MACROD2: variants seen among roughly 807,000 people sequenced by gnomAD.
MACROD2 encodes the protein ADP-ribose glycohydrolase MACROD2.
Under a neutral mutation model 70.4 loss-of-function variants are expected in MACROD2, and 36 were observed. The ratio of observed to expected loss-of-function variants is 0.51; its 90% CI spans 0.39 to 0.68. The LOEUF (loss-of-function observed/expected upper bound fraction) is 0.68, where lower values mean the gene tolerates loss of function less well. Ranked by LOEUF, MACROD2 falls within the 30% of genes least tolerant of loss-of-function variation. The probability of loss-of-function intolerance (pLI) is 0.00; values close to 1 mark genes in which losing one functional copy is unlikely to be tolerated. For missense variants in MACROD2, 496 were observed against 538.4 expected (o/e 0.92, Z 0.78); for synonymous variants, 172 against 178.8 (o/e 0.96, Z 0.30).
At chr20:15,893,080 G>T in intron 10 of MACROD2, 2 of 398,392 alleles carry the variant, frequency 5.0e-6, no homozygotes, top group Middle Eastern at 1.3e-3. Context: ...TTTAAATTAT[G>T]TGTACAAACA....
intron 10 of MACROD2, among the ~76,000 whole-genome samples, chr20:15,919,412 T>C (rs116777533): frequency 3.9e-5 from 6 of 152,120 alleles, no homozygotes; most frequent in Non-Finnish European, 8.8e-5. Flanking sequence ...TCCTAGTCCT[T>C]GAGTTGGTTG....
chr20:14,300,605 G>A (rs1325565601), intron 3 of MACROD2, among the ~76,000 whole-genome samples: 2 of 152,134 alleles, frequency 1.3e-5, no homozygotes, highest in East Asian at 3.9e-4. Flanking sequence ...TTTTTAAGTA[G>A]GATTCAGAAT....
At chr20:16,010,991 G>A (rs2066855570) in intron 15 of MACROD2, among the ~76,000 whole-genome samples, 1 of 152,186 alleles carries the variant, frequency 6.6e-6, no homozygotes, top group Non-Finnish European at 1.5e-5. Flanking sequence ...GTGAGGAAAG[G>A]CTTTCCTGGG....
rs11471411 is a variant in MACROD2 at position 16,053,173 on chromosome 20, ATTTG to A, written c.*3302_*3305del. 0.62 allele frequency: 93,787 copies of A among 151,708 alleles called. 29,564 individuals carry two copies. The highest frequency in any genetic ancestry group is 0.74 in the Admixed American group (11,281 of 15,250). The allele number at this position is 151,708 out of a possible 1,614,324, so 9.4% of individuals were successfully genotyped here. On this transcript the variant is annotated 3_prime_UTR_variant, in exon 18 of 18. Coordinates refer to ENST00000684519, the MANE Select transcript of MACROD2 (RefSeq NM_001351661.2). ...TTTGTTAGAGCAGAATACAAATAAA[ATTTG>A]TTTGAGAGGATAATGTGAAATTATC... is the stretch of plus-strand genomic sequence containing the variant.
chr20:14,080,595 A>G (rs1488285054), intron 2 of MACROD2, among the ~76,000 whole-genome samples: 1 of 152,136 alleles, frequency 6.6e-6, no homozygotes, highest in African/African-American at 2.4e-5. Flanking sequence ...TGTAAACAAG[A>G]GTTAAAAAAG....
At chr20:15,709,706 A>G (rs1392042645) in intron 8 of MACROD2, among the ~76,000 whole-genome samples, 132 of 152,308 alleles carry the variant, frequency 8.7e-4, no homozygotes, top group Admixed American at 8.6e-3. Context: ...TTTATGAGGT[A>G]TGTACAGAGT....
intron 6 of MACROD2, among the ~76,000 whole-genome samples, chr20:15,374,086 C>T (rs902169011): frequency 3.9e-5 from 6 of 151,976 alleles, no homozygotes; most frequent in African/African-American, 7.2e-5. Flanking sequence ...TCTCTATTCT[C>T]ATTATTTTTG....
At chr20:15,141,954 T>C (rs541044968) in intron 5 of MACROD2, among the ~76,000 whole-genome samples, 2 of 152,286 alleles carry the variant, frequency 1.3e-5, no homozygotes, top group Non-Finnish European at 2.9e-5. Flanking sequence ...TCTTCTTGTG[T>C]TCTCCGCTTC....
chr20:15,812,048 A>G (rs112948595), intron 8 of MACROD2, among the ~76,000 whole-genome samples: 3,696 of 152,266 alleles, frequency 0.024, 166 homozygotes, highest in African/African-American at 0.083. Flanking sequence ...TTTGGATGGT[A>G]TTGTAACCCC....
At chr20:14,730,993 A>G (rs996747117) in intron 5 of MACROD2, among the ~76,000 whole-genome samples, 2 of 139,188 alleles carry the variant, frequency 1.4e-5, no homozygotes, top group Non-Finnish European at 3.1e-5. Context: ...ACACACACAC[A>G]CACACACACA....
chr20:15,158,201 G>A (rs2076322630), intron 5 of MACROD2, among the ~76,000 whole-genome samples: 1 of 152,068 alleles, frequency 6.6e-6, no homozygotes, highest in Admixed American at 6.6e-5. Flanking sequence ...TTTGAAACGT[G>A]GCTTTCAACT....
At chr20:15,005,010 C>G (rs879472235) in intron 5 of MACROD2, among the ~76,000 whole-genome samples, 1 of 152,044 alleles carries the variant, frequency 6.6e-6, no homozygotes, top group Non-Finnish European at 1.5e-5. Context: ...TTTTGTCTTT[C>G]TAGGTGGAAC....
At chr20:15,355,045 G>A (rs935961925) in intron 6 of MACROD2, among the ~76,000 whole-genome samples, 1 of 152,190 alleles carries the variant, frequency 6.6e-6, no homozygotes, top group Admixed American at 6.5e-5. Context: ...GTGACCTGAA[G>A]TTTCATAGTT....
chr20:15,253,218 T>C (rs890725250), intron 6 of MACROD2, among the ~76,000 whole-genome samples: 1 of 152,178 alleles, frequency 6.6e-6, no homozygotes, highest in Non-Finnish European at 1.5e-5. Flanking sequence ...ACCACTGCTG[T>C]AGGACCACCA....
chr20:14,621,618 G>C (rs1983831683), intron 4 of MACROD2: 1 of 152,086 alleles, frequency 6.6e-6, no homozygotes, highest in African/African-American at 2.4e-5. Context: ...AGCTGAACCA[G>C]CTCTTTCTAA....
chr20:15,000,273 T>C (rs2074982585), intron 5 of MACROD2, among the ~76,000 whole-genome samples: 1 of 152,092 alleles, frequency 6.6e-6, no homozygotes, highest in Non-Finnish European at 1.5e-5. Context: ...TATGAATGAT[T>C]GGGACTGGGT....
chr20:15,609,672 G>A (rs568583770), intron 8 of MACROD2, among the ~76,000 whole-genome samples: 4 of 152,280 alleles, frequency 2.6e-5, no homozygotes, highest in African/African-American at 7.2e-5. Flanking sequence ...AAGGAACGAC[G>A]GGAGGTATTG....
intron 5 of MACROD2, among the ~76,000 whole-genome samples, chr20:14,726,877 CATG>C (rs2071536483): frequency 6.6e-6 from 1 of 152,098 alleles, no homozygotes; most frequent in African/African-American, 2.4e-5. Context: ...AAATCACACA[CATG>C]ATGTGTTTAC....
At chr20:15,715,596 TATGAG>T (rs1321112349) in intron 8 of MACROD2, among the ~76,000 whole-genome samples, 1 of 152,192 alleles carries the variant, frequency 6.6e-6, no homozygotes, top group Non-Finnish European at 1.5e-5. Context: ...TTTTCCTGTC[TATGAG>T]ATAAGTTTTG....
Sources: gnomAD v4.1 joint callset for allele counts (sites outside exome capture counted in the v4.1 genomes callset) on GRCh38, gnomAD v4.1.1 for gene constraint, MANE v1.5 for transcripts, NCBI Gene and HGNC (gene_info 2026-07-23, HGNC 2026-07-21) for gene names.